The following GON4L variants were observed in gnomAD, a reference collection of about 807,000 sequenced individuals.
GON4L encodes the protein GON-4-like protein.
In GON4L, 87 loss-of-function variants were observed where a neutral mutation model predicts 211.8. That is an observed-to-expected ratio of 0.41 (90% CI 0.35 to 0.49). The LOEUF is 0.49. GON4L is among the 20% of genes least tolerant of loss of function. The pLI, the probability that GON4L is intolerant of heterozygous loss-of-function variation, is 0.15. For missense variants in GON4L, 2,155 were observed against 2,659.5 expected (o/e 0.81, Z 4.17); for synonymous variants, 875 against 962.6 (o/e 0.91, Z 1.68).
chr1:155,824,434 CAAAAAAAAAAAAAAAA>C (rs769823401), intron 3 of GON4L, among the ~76,000 whole-genome samples: 1 of 7,418 alleles, frequency 1.3e-4, no homozygotes, highest in African/African-American at 5.2e-4. Context: ...AACTCCACAT[CAAAAAAAAAAAAAAAA>C]AAAAAAAAAA....
At chr1:155,851,052 CAA>C (rs55815558) in intron 2 of GON4L, among the ~76,000 whole-genome samples, 8 of 78,480 alleles carry the variant, frequency 1.0e-4, no homozygotes, top group African/African-American at 2.3e-4. Flanking sequence ...GACTCCACCT[CAA>C]AAAAAAAAAA....
intron 2 of GON4L, among the ~76,000 whole-genome samples, chr1:155,827,519 A>G (rs1299645737): frequency 6.6e-6 from 1 of 152,122 alleles, no homozygotes; most frequent in East Asian, 1.9e-4. Flanking sequence ...AGGTGAGGCT[A>G]GCATTAAAAA....
intron 12 of GON4L, among the ~76,000 whole-genome samples, chr1:155,789,509 T>G (rs1031574268): frequency 3.9e-5 from 6 of 151,934 alleles, no homozygotes; most frequent in Admixed American, 3.9e-4. Context: ...GGTGCCATTG[T>G]GCACACTTGT....
chr1:155,771,036 T>C (rs1413492968), intron 19 of GON4L, 31 bp downstream of exon 19: 4 of 1,614,116 alleles, frequency 2.5e-6, no homozygotes, highest in Non-Finnish European at 3.4e-6. Flanking sequence ...ATTGGTGAGG[T>C]GCCCGGATGG....
At chr1:155,783,214 C>T (rs1357783287) in intron 14 of GON4L, among the ~76,000 whole-genome samples, 1 of 152,136 alleles carries the variant, frequency 6.6e-6, no homozygotes, top group Non-Finnish European at 1.5e-5. Context: ...CATTGGTTGG[C>T]ATATCTTATC....
At position 155,806,420 on chromosome 1, in the gene GON4L, G is replaced by A. The variant is rs562825668; in HGVS notation, c.1453-1279C>T. On this transcript the variant is annotated intron_variant, in intron 10 of 31. Coordinates refer to ENST00000368331, the MANE Select transcript of GON4L (RefSeq NM_001282860.2). ...GCCTCCCAAAGTGTTGGGATTACAC[G>A]TGTGAGCCACTGGATCCATACTCAG... is the stretch of plus-strand genomic sequence containing the variant. Among the ~76,000 whole-genome samples, 31 of 152,108 alleles carry A rather than the reference G, an allele frequency of 2.0e-4. No homozygotes were observed. In the East Asian group the frequency reaches 4.4e-3, roughly 22 times the overall value.
chr1:155,768,859 G>C (rs919953925), intron 19 of GON4L, among the ~76,000 whole-genome samples: 3 of 152,176 alleles, frequency 2.0e-5, no homozygotes, highest in Non-Finnish European at 1.5e-5. Flanking sequence ...AATTTGTCTA[G>C]TTTCATCCGT....
chr1:155,810,702 G>A (rs1571827628), intron 10 of GON4L, among the ~76,000 whole-genome samples: 1 of 101,012 alleles, frequency 9.9e-6, no homozygotes, highest in South Asian at 3.4e-4. Context: ...GTGAGACTCC[G>A]TCTCAAAAAA....
chr1:155,757,332 A>G lies in GON4L; in HGVS notation c.5254-9T>C. The G allele has an allele frequency of 6.2e-7, 1 of 1,612,734 alleles. No individual in the cohort carries two copies. The highest frequency in any genetic ancestry group is 8.5e-7 in the Non-Finnish European group (1 of 1,179,504). The stretch of plus-strand genomic sequence containing the variant: ...CACATCTGTGTCTTGAGCTGAGGAG[A>G]GTCACAGAGGGAAAGAGGAAGTCTC... On this transcript the variant is annotated splice_polypyrimidine_tract_variant and intron_variant, in intron 25 of 31. Transcript: ENST00000368331.
At chr1:155,798,054 G>A (rs1363478183) in intron 11 of GON4L, among the ~76,000 whole-genome samples, 2 of 150,794 alleles carry the variant, frequency 1.3e-5, no homozygotes, top group Non-Finnish European at 3.0e-5. Flanking sequence ...GCACTCCAGC[G>A]AGGGTGACAG....
chr1:155,807,602 G>T (rs1387864982), intron 10 of GON4L, among the ~76,000 whole-genome samples: 1 of 149,780 alleles, frequency 6.7e-6, no homozygotes, highest in Non-Finnish European at 1.5e-5. Context: ...TACTCAGGAG[G>T]CTGAGGCAGG....
chr1:155,820,514 C>A, intron 6 of GON4L, 92 bp downstream of exon 6: 1 of 853,132 alleles, frequency 1.2e-6, no homozygotes, highest in Non-Finnish European at 2.0e-6. Context: ...CAAATTCAGA[C>A]CACAATCTTT....
intron 10 of GON4L, among the ~76,000 whole-genome samples, chr1:155,806,818 G>T (rs902666472): frequency 1.8e-4 from 28 of 152,002 alleles, no homozygotes; most frequent in Non-Finnish European, 3.5e-4. Flanking sequence ...GTATAATACC[G>T]CTGGCTGAAT....
intron 2 of GON4L, among the ~76,000 whole-genome samples, chr1:155,830,521 C>A (rs1305844282): frequency 6.6e-6 from 1 of 151,380 alleles, no homozygotes; most frequent in Non-Finnish European, 1.5e-5. Flanking sequence ...AGGTGATCCG[C>A]CCACCTCTGC....
intron 17 of GON4L, among the ~76,000 whole-genome samples, chr1:155,774,087 G>A (rs780235550): frequency 6.6e-6 from 1 of 152,024 alleles, no homozygotes. Context: ...GCTAAATCAA[G>A]AAACAAATCA....
At chr1:155,796,784 CAT>C (rs1666109672) in intron 11 of GON4L, among the ~76,000 whole-genome samples, 1 of 151,010 alleles carries the variant, frequency 6.6e-6, no homozygotes, top group African/African-American at 2.4e-5. Context: ...CCATTAGCCA[CAT>C]GTGACTTGAG....
At chr1:155,802,803 A>G (rs1194065558) in intron 11 of GON4L, among the ~76,000 whole-genome samples, 1 of 152,194 alleles carries the variant, frequency 6.6e-6, no homozygotes, top group Non-Finnish European at 1.5e-5. Context: ...AAAAAATACA[A>G]AAATTGGCCG....
chr1:155,776,358 C>A, intron 16 of GON4L, 37 bp downstream of exon 16: 1 of 1,316,576 alleles, frequency 7.6e-7, no homozygotes, highest in African/African-American at 1.4e-5. Context: ...TAATTTCATA[C>A]TCTAGTCTTT....
At chr1:155,810,285 C>T (rs1054545661) in intron 10 of GON4L, among the ~76,000 whole-genome samples, 6 of 151,694 alleles carry the variant, frequency 4.0e-5, no homozygotes, top group African/African-American at 7.3e-5. Context: ...TGAGCCACCA[C>T]ACCCAGCCTT....
Sources: allele counts gnomAD v4.1 joint callset (sites outside exome capture counted in the v4.1 genomes callset), GRCh38; gene constraint gnomAD v4.1.1; transcripts MANE v1.5; gene names NCBI Gene and HGNC (gene_info 2026-07-23, HGNC 2026-07-21).